Variants in MRPL42 observed in about 807,000 individuals in gnomAD.
MRPL42 encodes the protein large ribosomal subunit protein mL42.
MRPL42 carries 17 observed loss-of-function variants against 17.9 expected under a neutral mutation model. The observed-to-expected ratio is 0.95, with a 90% CI of 0.65 to 1.42. The LOEUF (loss-of-function observed/expected upper bound fraction) is 1.42, where lower values mean the gene tolerates loss of function less well. Among genes scored for constraint, MRPL42 ranks in the 40% most tolerant of loss-of-function variants. The pLI, the probability that MRPL42 is intolerant of heterozygous loss-of-function variation, is 0.00. For synonymous variants in MRPL42, 59 were observed against 54.4 expected (o/e 1.08, Z -0.37); for missense variants, 177 against 175.2 (o/e 1.01, Z -0.06).
chr12:93,472,276 A>C (rs1391853876), intron 2 of MRPL42, among the ~76,000 whole-genome samples: 1 of 152,174 alleles, frequency 6.6e-6, no homozygotes, highest in Non-Finnish European at 1.5e-5. Context: ...TATACTGCAA[A>C]GTTCCTGTTG....
At chr12:93,481,534 A>G (rs1469179383) in intron 4 of MRPL42, among the ~76,000 whole-genome samples, 1 of 151,544 alleles carries the variant, frequency 6.6e-6, no homozygotes, top group Admixed American at 6.6e-5. Context: ...CTCCTCCACC[A>G]CTCTGCACTT....
chr12:93,488,069 C>G (rs560762005), intron 5 of MRPL42, among the ~76,000 whole-genome samples: 13 of 152,114 alleles, frequency 8.5e-5, no homozygotes, highest in African/African-American at 3.1e-4. Context: ...CTCCCAGGTT[C>G]AAGCGATTCT....
In MRPL42 at chr12:93,513,695, AT is replaced by A. The variant is rs1953748270; in HGVS notation, c.*12476del. ...CTCTTTCCGTTTTATGTGTGTTCCAATTCTATTTATTGAAATTTAATTTTAT... is the reference window on the plus strand; with the variant it reads ...CTCTTTCCGTTTTATGTGTGTTCCAATCTATTTATTGAAATTTAATTTTAT... On this transcript the variant is annotated 3_prime_UTR_variant, in exon 6 of 6. Coordinates refer to ENST00000549982, the MANE Select transcript of MRPL42 (RefSeq NM_014050.4). 6.6e-6 allele frequency: 1 copy of A among 152,096 alleles called. No homozygotes were observed. The highest frequency in any genetic ancestry group is 6.5e-5 in the Admixed American group (1 of 15,268). The allele number at this position is 152,096 out of a possible 1,614,324, so 9.4% of individuals were successfully genotyped here. A position where few individuals can be genotyped will look rare whatever the true frequency, so the allele number is the denominator to read the frequency against.
intron 4 of MRPL42, among the ~76,000 whole-genome samples, chr12:93,483,445 C>T (rs746332551): frequency 5.3e-5 from 8 of 152,078 alleles, no homozygotes; most frequent in Non-Finnish European, 8.8e-5. Context: ...AGGCTGCAAA[C>T]GTATACAGCA....
intron 2 of MRPL42, among the ~76,000 whole-genome samples, chr12:93,476,253 C>G (rs1412135347): frequency 6.6e-6 from 1 of 152,078 alleles, no homozygotes; most frequent in Non-Finnish European, 1.5e-5. Context: ...ATAGCATGAT[C>G]TCAGCTCACT....
rs1281940026 is a variant in MRPL42 at position 93,502,241 on chromosome 12, GGTCACTAGAATA to G, written c.*1023_*1034del. The G allele has an allele frequency of 6.6e-6, 1 of 152,118 alleles. No individual in the cohort carries two copies. Among genetic ancestry groups the G allele is most frequent in the Non-Finnish European group, 1.5e-5 (1 of 68,030 alleles). The allele number at this position is 152,118 out of a possible 1,614,324, so 9.4% of individuals were successfully genotyped here. The stretch of plus-strand genomic sequence containing the variant: ...TGCAGCTCTGTGATTAAAATGTTAA[GGTCACTAGAATA>G]GTGTTAGGAAAATGTTAATAGATAA... On this transcript the variant is annotated 3_prime_UTR_variant, in exon 6 of 6. Transcript: ENST00000549982.
intron 5 of MRPL42, among the ~76,000 whole-genome samples, chr12:93,496,037 A>G (rs932477830): frequency 6.6e-6 from 1 of 152,186 alleles, no homozygotes; most frequent in Non-Finnish European, 1.5e-5. Flanking sequence ...GTGGAAAATT[A>G]CACAACAGAT....
chr12:93,470,917 A>G (rs907889986), intron 2 of MRPL42, among the ~76,000 whole-genome samples: 6 of 152,202 alleles, frequency 3.9e-5, no homozygotes, highest in African/African-American at 1.4e-4. Flanking sequence ...TAAACATGCA[A>G]GTGCAGCTGA....
rs147701133 is a variant in MRPL42, at chr12:93,497,430, G to A, written c.384-3746G>A. 1.8e-3 allele frequency among the ~76,000 whole-genome samples: 270 copies of A among 152,158 alleles called. 2 individuals are homozygous for A. Among genetic ancestry groups the A allele is most frequent in the African/African-American group, 6.3e-3 (260 of 41,494 alleles). ...GAGATGCAAGGCTGATTCAAGATAC[G>A]CAAATAAATAAATGTGATACATCAT... is the stretch of plus-strand genomic sequence containing the variant. On this transcript the variant is annotated intron_variant, in intron 5 of 5. Coordinates refer to ENST00000549982, the MANE Select transcript of MRPL42 (RefSeq NM_014050.4).
intron 2 of MRPL42, among the ~76,000 whole-genome samples, chr12:93,469,562 T>C (rs1168172834): frequency 6.6e-6 from 1 of 151,982 alleles, no homozygotes; most frequent in African/African-American, 2.4e-5. Context: ...TTTGGGAGGC[T>C]GAGGTGGGAG....
chr12:93,469,365 ATT>A lies in MRPL42; in HGVS notation c.70+17_70+18del. The A allele has an allele frequency of 6.3e-7, 1 of 1,577,848 alleles. No homozygotes were observed. The highest frequency in any genetic ancestry group is 8.6e-7 in the Non-Finnish European group (1 of 1,161,472). ...TTATTTCCAGTCCAAAGTAAGTGAA[ATT>A]TTTTTTAATGTTTAAAAACTTTTAA... On this transcript the variant is annotated intron_variant, in intron 2 of 5. Transcript: ENST00000549982.
At position 93,479,463 on chromosome 12, in the gene MRPL42, A is replaced by G. The variant is rs372506465; in HGVS notation, c.210A>G (p.Glu70=). 5.0e-6 allele frequency: 8 copies of G among 1,606,644 alleles called. No individual in the cohort carries two copies. In the African/African-American group the frequency reaches 1.1e-4, roughly 21 times the overall value. Reference sequence around the variant, plus strand: ...ACCCTTCTGTGGACATTCCATATGAACACACAAAAGTATGTATGAGAAAAT... The same window carrying G: ...ACCCTTCTGTGGACATTCCATATGAGCACACAAAAGTATGTATGAGAAAAT... ...CYHPSVDIPY[E]HTKPIPRPDP... Residue 70 remains glutamate (E), a synonymous_variant, in exon 4 of 6, where the codon GAA becomes GAG. Transcript: ENST00000549982.
intron 1 of MRPL42, among the ~76,000 whole-genome samples, chr12:93,467,913 T>C (rs1166085318): frequency 6.6e-6 from 1 of 152,318 alleles, no homozygotes; most frequent in Non-Finnish European, 1.5e-5. Context: ...ACTTGATCTC[T>C]GAAATGATCT....
chr12:93,500,734 G>A (rs1953574774), intron 5 of MRPL42: 1 of 133,224 alleles, frequency 7.5e-6, no homozygotes, highest in Non-Finnish European at 1.7e-5. Context: ...TCAGTCATCT[G>A]GGTTACCATG....
At position 93,508,416 on chromosome 12, in the gene MRPL42, A is replaced by G. The variant is rs1953693425; in HGVS notation, c.*7195A>G. ...ACTGCACTCTAGGCTGGGCAACAGA[A>G]CAAGCACCTGTATCAAAACAAACAA... On this transcript the variant is annotated 3_prime_UTR_variant, in exon 6 of 6. Transcript: ENST00000549982. 6.6e-6 allele frequency: 1 copy of G among 152,544 alleles called. No homozygotes were observed. The highest frequency in any genetic ancestry group is 6.5e-5 in the Admixed American group (1 of 15,286). The allele number at this position is 152,544 out of a possible 1,614,324, so 9.4% of individuals were successfully genotyped here.
intron 4 of MRPL42, among the ~76,000 whole-genome samples, chr12:93,483,988 G>A (rs1013735446): frequency 1.3e-5 from 2 of 152,032 alleles, no homozygotes; most frequent in Non-Finnish European, 2.9e-5. Context: ...ACAGGGTCAG[G>A]ATGATCAATA....
At chr12:93,471,056 T>A (rs7967526) in intron 2 of MRPL42, among the ~76,000 whole-genome samples, 78,524 of 152,042 alleles carry the variant, frequency 0.52, 20,347 homozygotes, top group Non-Finnish European at 0.53. Context: ...GAATGGAGTA[T>A]AAGTAAAGTA....
rs1592790095 is a variant in MRPL42, at chr12:93,501,762, T to G, written c.*541T>G. 2 of 152,200 alleles carry G rather than the reference T, an allele frequency of 1.3e-5. No homozygotes were observed. The highest frequency in any genetic ancestry group is 2.9e-5 in the Non-Finnish European group (2 of 68,038). 9.4% of individuals were successfully genotyped at this position (152,200 alleles called of 1,614,324 possible). The stretch of plus-strand genomic sequence containing the variant: ...AGCATTGTTAGTAGTATAAATATGA[T>G]TAATAAAAATGTGCATGGCTTTCCT... On this transcript the variant is annotated 3_prime_UTR_variant, in exon 6 of 6. Transcript: ENST00000549982.
chr12:93,476,572 A>C (rs970579627), intron 2 of MRPL42, among the ~76,000 whole-genome samples: 2 of 152,046 alleles, frequency 1.3e-5, no homozygotes, highest in Admixed American at 6.6e-5. Context: ...TGCTAGAAAC[A>C]TTGTTTTCAT....
Sources: gnomAD v4.1 joint callset for allele counts (sites outside exome capture counted in the v4.1 genomes callset) on GRCh38, gnomAD v4.1.1 for gene constraint, MANE v1.5 for transcripts, NCBI Gene and HGNC (gene_info 2026-07-23, HGNC 2026-07-21) for gene names.